VAPA: variants seen among roughly 807,000 people sequenced by gnomAD.
The protein encoded by VAPA is vesicle-associated membrane protein-associated protein A.
VAPA carries 6 observed loss-of-function variants against 25.6 expected under a neutral mutation model. The ratio of observed to expected loss-of-function variants is 0.23; its 90% CI spans 0.13 to 0.46. The LOEUF is 0.46. Among genes scored for constraint, VAPA ranks in the 20% least tolerant of loss-of-function variants. VAPA has a pLI of 0.99. For missense variants in VAPA, 244 were observed against 302.1 expected, an observed-to-expected ratio of 0.81 and a Z score of 1.43; for synonymous variants, 112 against 106.2, an observed-to-expected ratio of 1.05 and a Z score of -0.34.
chr18:9,916,238 A>T (rs146179877), intron 1 of VAPA, among the ~76,000 whole-genome samples: 6 of 152,236 alleles, frequency 3.9e-5, no homozygotes, highest in African/African-American at 1.4e-4. Context: ...ACTTACTCAT[A>T]TATTTCCTTT....
intron 1 of VAPA, among the ~76,000 whole-genome samples, chr18:9,929,079 C>T (rs2069227346): frequency 6.6e-6 from 1 of 152,150 alleles, no homozygotes; most frequent in South Asian, 2.1e-4. Context: ...AGTGGCATTG[C>T]TATTGTTAGA....
intron 4 of VAPA, chr18:9,945,155 G>A: frequency 7.3e-7 from 1 of 1,374,466 alleles, no homozygotes. Context: ...TGAGTATGTT[G>A]TATGAAGTAG....
At chr18:9,944,933 C>A in intron 4 of VAPA, 1 of 1,614,100 alleles carries the variant, frequency 6.2e-7, no homozygotes, top group Non-Finnish European at 8.5e-7. Flanking sequence ...GGGTATAACT[C>A]CACCAGGGAA....
At chr18:9,934,885 G>A (rs1448610150) in intron 2 of VAPA, among the ~76,000 whole-genome samples, 2 of 151,652 alleles carry the variant, frequency 1.3e-5, no homozygotes, top group Non-Finnish European at 2.9e-5. Context: ...TTGAGGTCAG[G>A]AGATCGAGAC....
At position 9,957,032 on chromosome 18, in the gene VAPA, TTC is replaced by T. The variant is rs2069558764; in HGVS notation, c.*2823_*2824del. The T allele has an allele frequency of 7.6e-6, 1 of 130,874 alleles. No homozygotes were observed. The highest frequency in any genetic ancestry group is 8.1e-5 in the Admixed American group (1 of 12,344). 8.1% of individuals were successfully genotyped at this position (130,874 alleles called of 1,614,324 possible). A position where few individuals can be genotyped will look rare whatever the true frequency, so the allele number is the denominator to read the frequency against. ...AGAAATTCCGATCAAAGAAAAGTAA[TTC>T]TTTCTTTTTTTTTTTGAGACAGAGT... On this transcript the variant is annotated 3_prime_UTR_variant, in exon 6 of 6. Coordinates refer to ENST00000400000, the MANE Select transcript of VAPA (RefSeq NM_194434.3).
intron 1 of VAPA, chr18:9,924,078 A>G (rs944504800): frequency 7.9e-5 from 12 of 152,188 alleles, no homozygotes; most frequent in African/African-American, 2.9e-4. Flanking sequence ...TTTTATAGCT[A>G]TGCTGTGTAT....
chr18:9,937,469 G>A (rs757453169), intron 4 of VAPA, among the ~76,000 whole-genome samples: 5 of 152,056 alleles, frequency 3.3e-5, no homozygotes, highest in Non-Finnish European at 5.9e-5. Flanking sequence ...TTTATTCCAG[G>A]TTTAGTTATT....
chr18:9,959,719 T>C lies in VAPA; in HGVS notation c.*5508T>C, dbSNP rs2069586031. ...AGAGAGAGTGAGTTACTGACATTGT[T>C]CCAAAAAAAAAAAAAAAAAAAAAAA... On this transcript the variant is annotated 3_prime_UTR_variant, in exon 6 of 6. Transcript: ENST00000400000. 2.2e-5 allele frequency: 1 copy of C among 45,270 alleles called. No homozygotes were observed. The highest frequency in any genetic ancestry group is 3.3e-4 in the Admixed American group (1 of 2,992). The allele number at this position is 45,270 out of a possible 1,614,324, so 2.8% of individuals were successfully genotyped here.
Position 9,914,283 on chromosome 18 carries a change from G to A in VAPA, c.27G>A (p.Ala9=), listed in dbSNP as rs1229354444. The change falls in exon 1 of 6, where the codon GCG becomes GCA. Residue 9 remains alanine (A), a synonymous_variant. Coordinates refer to ENST00000400000, the MANE Select transcript of VAPA (RefSeq NM_194434.3). ...TGGCGTCCGCCTCAGGGGCCATGGC[G>A]AAGCACGAGCAGATCCTGGTCCTCG... The part of the protein sequence containing the change: MASASGAM[A]KHEQILVLDP... 3 of 1,591,642 alleles carry A rather than the reference G, an allele frequency of 1.9e-6. No homozygotes were observed. The highest frequency in any genetic ancestry group is 2.4e-5 in the East Asian group (1 of 41,390).
chr18:9,920,448 G>A lies in VAPA; in HGVS notation c.79+6113G>A, dbSNP rs371843014. 2.8e-4 allele frequency among the ~76,000 whole-genome samples: 42 copies of A among 152,198 alleles called. No individual in the cohort carries two copies. In the South Asian group the frequency reaches 8.3e-3, roughly 30 times the overall value. On this transcript the variant is annotated intron_variant, in intron 1 of 5. Coordinates refer to ENST00000400000, the MANE Select transcript of VAPA (RefSeq NM_194434.3). ...CTCCCAAGTAGCTGGGATTACAGGCGTGCACCACCATGCCTGGCTAATTTT... is the reference window on the plus strand; with the variant it reads ...CTCCCAAGTAGCTGGGATTACAGGCATGCACCACCATGCCTGGCTAATTTT...
At chr18:9,953,971 C>T (rs1344637218) in intron 5 of VAPA, 82 bp from the exon 6 acceptor site, 20 of 1,544,370 alleles carry the variant, frequency 1.3e-5, no homozygotes, top group African/African-American at 9.7e-5. Context: ...ATCTACTTTC[C>T]GTCCCTATAG....
chr18:9,929,702 A>G (rs1336610242), intron 1 of VAPA, among the ~76,000 whole-genome samples: 3 of 152,048 alleles, frequency 2.0e-5, no homozygotes, highest in African/African-American at 2.4e-5. Context: ...ATAATTTTCT[A>G]TTTTAAACTA....
At chr18:9,922,904 G>T (rs2069169192) in intron 1 of VAPA, among the ~76,000 whole-genome samples, 1 of 152,006 alleles carries the variant, frequency 6.6e-6, no homozygotes, top group South Asian at 2.1e-4. Flanking sequence ...TTGCTTAAAT[G>T]AGATTGAATT....
intron 4 of VAPA, 32 bp from the exon 5 acceptor site, chr18:9,950,363 G>A: frequency 6.3e-7 from 1 of 1,596,684 alleles, no homozygotes; most frequent in Non-Finnish European, 8.5e-7. Context: ...GATTTGGTTA[G>A]TTAAAAAATT....
rs536757256 is a variant in VAPA at position 9,917,496 on chromosome 18, G to C, written c.79+3161G>C. Among the ~76,000 whole-genome samples the C allele has an allele frequency of 1.8e-4, 27 of 152,262 alleles. No individual in the cohort carries two copies. In the South Asian group the frequency reaches 5.0e-3, roughly 28 times the overall value. On this transcript the variant is annotated intron_variant, in intron 1 of 5. Coordinates refer to ENST00000400000, the MANE Select transcript of VAPA (RefSeq NM_194434.3). ...GTAGAGACGGGATTTTGCCAGGCTGGCCTCGAACTTCTGACCTCAGGTGAT... is the reference window on the plus strand; with the variant it reads ...GTAGAGACGGGATTTTGCCAGGCTGCCCTCGAACTTCTGACCTCAGGTGAT...
At chr18:9,941,077 G>A (rs2069362245) in intron 4 of VAPA, among the ~76,000 whole-genome samples, 1 of 151,788 alleles carries the variant, frequency 6.6e-6, no homozygotes, top group South Asian at 2.1e-4. Context: ...CCTATTAAAG[G>A]CTCTGAGAAA....
chr18:9,937,090 A>T (rs766546221), intron 4 of VAPA, 24 bp downstream of exon 4: 66 of 1,600,802 alleles, frequency 4.1e-5, no homozygotes, highest in Non-Finnish European at 5.5e-5. Flanking sequence ...TGTAAAAAAA[A>T]TTGGGAGCTG....
intron 4 of VAPA, among the ~76,000 whole-genome samples, chr18:9,946,594 A>G (rs1484353029): frequency 6.6e-6 from 1 of 151,850 alleles, no homozygotes; most frequent in African/African-American, 2.4e-5. Context: ...ACCCGTGACT[A>G]TACACAGAAA....
chr18:9,950,657 A>C, intron 5 of VAPA, 89 bp downstream of exon 5: 1 of 1,438,940 alleles, frequency 6.9e-7, no homozygotes, highest in Non-Finnish European at 9.3e-7. Context: ...TTAGCTTTTA[A>C]ATTTTTGCTT....
Sources: allele counts gnomAD v4.1 joint callset (sites outside exome capture counted in the v4.1 genomes callset), GRCh38; gene constraint gnomAD v4.1.1; transcripts MANE v1.5; gene names NCBI Gene and HGNC (gene_info 2026-07-23, HGNC 2026-07-21).